The following HMCN1 variants were observed in gnomAD, a reference collection of about 807,000 sequenced individuals.
The protein encoded by HMCN1 is hemicentin-1.
A neutral mutation model predicts 625.9 loss-of-function variants in HMCN1; 321 were observed. That is an observed-to-expected ratio of 0.51 (90% CI 0.47 to 0.56). The LOEUF is 0.56. Ranked by LOEUF, HMCN1 falls within the 20% of genes least tolerant of loss-of-function variation. The pLI is 0.00. For missense variants in HMCN1, 6,588 were observed against 6,887.3 expected, an observed-to-expected ratio of 0.96 and a Z score of 1.54; for synonymous variants, 2,425 against 2,417.6, an observed-to-expected ratio of 1.00 and a Z score of -0.09.
At chr1:186,113,006 C>G in intron 72 of HMCN1, 53 bp downstream of exon 72, 1 of 1,596,966 alleles carries the variant, frequency 6.3e-7, no homozygotes, top group Non-Finnish European at 8.6e-7. Flanking sequence ...CAAGGGCATT[C>G]AAAGAGATGA....
chr1:185,959,067 AAC>A (rs1649831080), intron 11 of HMCN1, among the ~76,000 whole-genome samples: 1 of 152,214 alleles, frequency 6.6e-6, no homozygotes, highest in Admixed American at 6.5e-5. Context: ...AAAAAATGAA[AAC>A]ACACAGAAAT....
chr1:185,875,026 CAAGT>C (rs561277904), intron 4 of HMCN1, among the ~76,000 whole-genome samples: 57 of 151,518 alleles, frequency 3.8e-4, no homozygotes, highest in African/African-American at 1.2e-3. Context: ...TAAATAAAAA[CAAGT>C]AAGTAAAATT....
chr1:185,790,080 C>T (rs992468481), intron 1 of HMCN1, among the ~76,000 whole-genome samples: 4 of 152,212 alleles, frequency 2.6e-5, no homozygotes, highest in Non-Finnish European at 4.4e-5. Flanking sequence ...AACACACAGA[C>T]ACACACCCTA....
In HMCN1 at chr1:186,018,219, T is replaced by C. The variant is rs1280171944; in HGVS notation, c.5337T>C (p.Asp1779=). The change falls in exon 34 of 107, where the codon GAT becomes GAC. Residue 1779 remains aspartate, a synonymous_variant. Coordinates refer to ENST00000271588, the MANE Select transcript of HMCN1 (RefSeq NM_031935.3). ...ATGGCCAGTTAATTGATGAAAGGGA[T>C]GGATTCAAGATTTTATTAAATGGAC... is the stretch of plus-strand genomic sequence containing the variant. ...LKDGQLIDER[D]GFKILLNGRK... The C allele has an allele frequency of 6.2e-7, 1 of 1,612,824 alleles. No individual in the cohort carries two copies.
At chr1:186,032,746 GAAAAAAAAAA>G (rs74542819) in intron 36 of HMCN1, among the ~76,000 whole-genome samples, 1 of 25,408 alleles carries the variant, frequency 3.9e-5, no homozygotes, top group Admixed American at 5.5e-4. Context: ...TAAGTAAAAA[GAAAAAAAAAA>G]AGAAAAAAAA....
chr1:185,988,215 C>T (rs1275968520), intron 20 of HMCN1, among the ~76,000 whole-genome samples: 1 of 152,182 alleles, frequency 6.6e-6, no homozygotes, highest in Non-Finnish European at 1.5e-5. Flanking sequence ...AAGACACTTA[C>T]ACAAACTAAT....
chr1:185,835,161 A>G (rs1489424529), intron 1 of HMCN1, among the ~76,000 whole-genome samples: 1 of 152,194 alleles, frequency 6.6e-6, no homozygotes, highest in Non-Finnish European at 1.5e-5. Flanking sequence ...CAGGTTTTAA[A>G]GGAAGACTTG....
intron 30 of HMCN1, among the ~76,000 whole-genome samples, chr1:186,014,475 A>G (rs575438716): frequency 2.0e-5 from 3 of 152,144 alleles, no homozygotes; most frequent in African/African-American, 7.2e-5. Context: ...AATTGTTGCA[A>G]TGATAGCATG....
intron 105 of HMCN1, among the ~76,000 whole-genome samples, chr1:186,183,365 C>T (rs1262685505): frequency 6.6e-6 from 1 of 152,176 alleles, no homozygotes; most frequent in Admixed American, 6.5e-5. Context: ...CCACACCACC[C>T]TACCCCACCC....
intron 62 of HMCN1, 98 bp downstream of exon 62, chr1:186,088,374 TA>T (rs1659649788): frequency 6.4e-7 from 1 of 1,569,354 alleles, no homozygotes; most frequent in African/African-American, 1.4e-5. Context: ...ACCATGCTCA[TA>T]GGGGTGTTTA....
intron 4 of HMCN1, among the ~76,000 whole-genome samples, chr1:185,866,315 CA>C (rs1409113316): frequency 6.8e-6 from 1 of 147,300 alleles, no homozygotes; most frequent in Admixed American, 6.8e-5. Flanking sequence ...ATGTAGTTAT[CA>C]AAAAACTGAT....
intron 1 of HMCN1, among the ~76,000 whole-genome samples, chr1:185,739,296 C>A (rs776527217): frequency 6.6e-6 from 1 of 152,158 alleles, no homozygotes. Context: ...GATTCCATGT[C>A]TTTGCTGGTG....
intron 23 of HMCN1, 21 bp from the exon 24 acceptor site, chr1:185,994,794 A>T: frequency 1.9e-6 from 3 of 1,610,236 alleles, no homozygotes. Flanking sequence ...TGGATTATTA[A>T]TACCCAGTTA....
chr1:186,118,608 C>T (rs1661245504), intron 77 of HMCN1, among the ~76,000 whole-genome samples: 1 of 152,164 alleles, frequency 6.6e-6, no homozygotes, highest in Admixed American at 6.5e-5. Flanking sequence ...TTCAAATGTC[C>T]ATCAGCTGAT....
chr1:185,863,677 A>G (rs1247919752), intron 2 of HMCN1, among the ~76,000 whole-genome samples: 2 of 152,244 alleles, frequency 1.3e-5, no homozygotes, highest in Non-Finnish European at 2.9e-5. Context: ...TATGAAGGAA[A>G]TAAATGTGAC....
intron 95 of HMCN1, 114 bp from the exon 96 acceptor site, chr1:186,152,636 T>TA: frequency 8.1e-7 from 1 of 1,238,712 alleles, no homozygotes; most frequent in Non-Finnish European, 1.2e-6. Context: ...CATCTATACT[T>TA]ATTCAAGTTT....
At chr1:185,941,618 C>G (rs899565806) in intron 11 of HMCN1, among the ~76,000 whole-genome samples, 2 of 152,130 alleles carry the variant, frequency 1.3e-5, no homozygotes, top group Admixed American at 6.5e-5. Flanking sequence ...TTGGTATTCA[C>G]GTAATTTCTC....
intron 68 of HMCN1, among the ~76,000 whole-genome samples, chr1:186,099,106 A>G (rs1382399982): frequency 6.6e-6 from 1 of 152,102 alleles, no homozygotes; most frequent in African/African-American, 2.4e-5. Context: ...TAGGGTGACT[A>G]TAGTTAATAA....
At chr1:186,071,520 T>C (rs982812925) in intron 52 of HMCN1, among the ~76,000 whole-genome samples, 7 of 152,218 alleles carry the variant, frequency 4.6e-5, no homozygotes, top group Non-Finnish European at 5.9e-5. Context: ...CCGTACTTAA[T>C]ACAGATGTGA....
Sources: gnomAD v4.1 joint callset for allele counts (sites outside exome capture counted in the v4.1 genomes callset) on GRCh38, gnomAD v4.1.1 for gene constraint, MANE v1.5 for transcripts, NCBI Gene and HGNC (gene_info 2026-07-23, HGNC 2026-07-21) for gene names.